The following TTC39B variants were observed in gnomAD, a reference collection of about 807,000 sequenced individuals.
TTC39B encodes the protein tetratricopeptide repeat protein 39B.
In TTC39B, 92 loss-of-function variants were observed where a neutral mutation model predicts 96.6. That is an observed-to-expected ratio of 0.95 (90% confidence interval 0.80 to 1.13). The LOEUF is 1.13. Ranked by LOEUF, TTC39B falls within the 50% of genes most tolerant of loss-of-function variation. TTC39B has a pLI of 0.00. For missense variants in TTC39B, 955 were observed against 809.3 expected (o/e 1.18, Z -2.18); for synonymous variants, 367 against 299.4 (o/e 1.23, Z -2.33).
chr9:15,225,765 A>G (rs1214022577), intron 3 of TTC39B, 152 bp downstream of exon 3: 1 of 478,514 alleles, frequency 2.1e-6, no homozygotes, highest in Non-Finnish European at 3.4e-6. Context: ...TCCTTCCCTG[A>G]TTTATAAAAT....
chr9:15,222,848 G>C (rs188477576), intron 3 of TTC39B, among the ~76,000 whole-genome samples: 1 of 152,328 alleles, frequency 6.6e-6, no homozygotes, highest in Admixed American at 6.5e-5. Context: ...ACTGTAAATT[G>C]AGTAACCTTG....
At chr9:15,268,162 G>C (rs1823208217) in intron 1 of TTC39B, among the ~76,000 whole-genome samples, 1 of 151,592 alleles carries the variant, frequency 6.6e-6, no homozygotes, top group Admixed American at 6.6e-5. Flanking sequence ...TTTTTAATAA[G>C]GCTGGTAAAA....
Position 15,206,202 on chromosome 9 carries a change from CTGTT to C in TTC39B, c.692-2316_692-2313del, listed in dbSNP as rs1819845738. 2.0e-5 allele frequency among the ~76,000 whole-genome samples: 3 copies of C among 152,304 alleles called. No homozygotes were observed. The South Asian group carries it at 6.2e-4, about 32-fold the overall frequency. On this transcript the variant is annotated intron_variant, in intron 6 of 19. Coordinates refer to ENST00000512701, the Ensembl canonical transcript of TTC39B. ...CCAGGCACTCATTGCATTTAAATAT[CTGTT>C]TGTAAAGGCAATTTGAAACCCATTT...
At chr9:15,241,127 A>C (rs1822019889) in intron 2 of TTC39B, among the ~76,000 whole-genome samples, 1 of 152,210 alleles carries the variant, frequency 6.6e-6, no homozygotes, top group Non-Finnish European at 1.5e-5. Flanking sequence ...TGTGAATGTG[A>C]TATTTGCCAA....
chr9:15,200,027 C>G, intron 7 of TTC39B, 102 bp from the exon 8 acceptor site: 1 of 594,630 alleles, frequency 1.7e-6, no homozygotes, highest in Non-Finnish European at 2.8e-6. Context: ...AACAAACAAA[C>G]AAAAAAAAGT....
chr9:15,206,983 T>G (rs983159254), intron 6 of TTC39B, among the ~76,000 whole-genome samples: 3 of 152,176 alleles, frequency 2.0e-5, no homozygotes, highest in Non-Finnish European at 4.4e-5. Flanking sequence ...GTGAGTGAGT[T>G]CTCACGAGAT....
intron 2 of TTC39B, among the ~76,000 whole-genome samples, chr9:15,256,173 T>C (rs934925670): frequency 6.6e-6 from 1 of 152,026 alleles, no homozygotes; most frequent in South Asian, 2.1e-4. Flanking sequence ...CTTTGCCCTT[T>C]TTCCTTCTTC....
chr9:15,227,001 T>C (rs1350507953), intron 2 of TTC39B, among the ~76,000 whole-genome samples: 1 of 152,130 alleles, frequency 6.6e-6, no homozygotes, highest in East Asian at 1.9e-4. Context: ...TGTTTTTGTT[T>C]TTGTTTTTTA....
chr9:15,207,144 T>TA (rs1819911223), intron 6 of TTC39B, among the ~76,000 whole-genome samples: 1 of 152,188 alleles, frequency 6.6e-6, no homozygotes, highest in South Asian at 2.1e-4. Context: ...TATGAGTCAA[T>TA]TAAACCTCTT....
intron 1 of TTC39B, among the ~76,000 whole-genome samples, chr9:15,278,821 T>G (rs1823645608): frequency 6.6e-6 from 1 of 152,220 alleles, no homozygotes; most frequent in Non-Finnish European, 1.5e-5. Flanking sequence ...GCATTTCACC[T>G]CTACAATTAC....
intron 2 of TTC39B, among the ~76,000 whole-genome samples, chr9:15,257,130 CA>C (rs1822780264): frequency 6.6e-6 from 1 of 152,142 alleles, no homozygotes; most frequent in African/African-American, 2.4e-5. Context: ...GCGACCTTTG[CA>C]AGCTAAATAC....
intron 2 of TTC39B, among the ~76,000 whole-genome samples, chr9:15,234,578 G>A (rs557338326): frequency 4.9e-4 from 75 of 152,242 alleles, no homozygotes; most frequent in African/African-American, 1.7e-3. Context: ...GCGGTTTTGC[G>A]GAATAGAAAG....
At chr9:15,238,316 C>A (rs951509547) in intron 2 of TTC39B, among the ~76,000 whole-genome samples, 2 of 152,092 alleles carry the variant, frequency 1.3e-5, no homozygotes, top group Admixed American at 6.5e-5. Flanking sequence ...AAAAGGAAGT[C>A]AAATTATCTT....
rs1211366223 is a variant in TTC39B, at chr9:15,306,265, T to C, written c.240+819A>G. On this transcript the variant is annotated intron_variant, in intron 1 of 19. Coordinates refer to ENST00000512701, the Ensembl canonical transcript of TTC39B. This position sits in a 1 kb window ranked among gnomAD's most constrained non-coding sequence, Gnocchi z 5.1. ...AGCAGGGAGAGCGCTGTCTCTGGAGTTGCCAGGTGCTGAAATGAATAGTCA... is the reference window on the plus strand; with the variant it reads ...AGCAGGGAGAGCGCTGTCTCTGGAGCTGCCAGGTGCTGAAATGAATAGTCA... Among the ~76,000 whole-genome samples, 2 of 152,094 alleles carry C rather than the reference T, an allele frequency of 1.3e-5. No individual in the cohort carries two copies. Among genetic ancestry groups the C allele is most frequent in the African/African-American group, 4.8e-5 (2 of 41,394 alleles).
exon 20 of TTC39B, chr9:15,167,036 T>A (rs1159402435): frequency 4.4e-3 from 122 of 27,810 alleles, no homozygotes; most frequent in Non-Finnish European, 7.2e-3. Context: ...ATATTTTTTT[T>A]TTTTTTTTTT....
At chr9:15,205,314 T>G (rs756309363) in intron 6 of TTC39B, among the ~76,000 whole-genome samples, 1 of 152,078 alleles carries the variant, frequency 6.6e-6, no homozygotes, top group Admixed American at 6.5e-5. Context: ...AAATAGGGTA[T>G]TTCTTATTAT....
intron 1 of TTC39B, among the ~76,000 whole-genome samples, chr9:15,279,892 CTTTTTTTTTTTTT>C (rs1164750793): frequency 2.9e-5 from 3 of 101,818 alleles, no homozygotes; most frequent in African/African-American, 1.4e-4. Context: ...TTTTTCTTTT[CTTTTTTTTTTTTT>C]TTTTTTTTGA....
chr9:15,211,959 T>C (rs1820226354), intron 4 of TTC39B, among the ~76,000 whole-genome samples: 2 of 152,230 alleles, frequency 1.3e-5, no homozygotes, highest in South Asian at 4.1e-4. Flanking sequence ...TTAAAGTTCT[T>C]GATATTTCAA....
chr9:15,171,957 A>C, exon 20 of TTC39B: 3 of 1,260,676 alleles, frequency 2.4e-6, no homozygotes, highest in Non-Finnish European at 3.4e-6. Flanking sequence ...CTTTAATATA[A>C]GGTTGAATCT....
Sources: gnomAD v4.1 joint callset for allele counts (sites outside exome capture counted in the v4.1 genomes callset) on GRCh38, gnomAD v4.1.1 for gene constraint, Gnocchi (gnomAD v3.1) non-coding constraint, MANE v1.5 for transcripts, NCBI Gene and HGNC (gene_info 2026-07-23, HGNC 2026-07-21) for gene names.